DNAJC6: variants seen among roughly 807,000 people sequenced by gnomAD.
DNAJC6 encodes auxilin.
A neutral mutation model predicts 110.0 loss-of-function variants in DNAJC6; 34 were observed. That is an observed-to-expected ratio of 0.31 (90% confidence interval 0.24 to 0.41). The LOEUF is 0.41. Among genes scored for constraint, DNAJC6 ranks in the 10% least tolerant of loss-of-function variants. DNAJC6 has a pLI of 1.00. For synonymous variants in DNAJC6, 406 were observed against 437.2 expected (o/e 0.93, Z 0.89); for missense variants, 1,031 against 1,207.8 (o/e 0.85, Z 2.17).
intron 1 of DNAJC6, among the ~76,000 whole-genome samples, chr1:65,353,104 A>T (rs1384015783): frequency 6.6e-6 from 1 of 152,178 alleles, no homozygotes; most frequent in Non-Finnish European, 1.5e-5. Flanking sequence ...TCTCTGTTCC[A>T]GGGTGGTAAT....
At position 65,317,189 on chromosome 1, in the gene DNAJC6, T is replaced by C. The variant is rs544365039; in HGVS notation, c.193+7251T>C. On this transcript the variant is annotated intron_variant, in intron 1 of 18. Transcript: ENST00000371069. ...AACTCCTTTTGGAAAAAAGCTATGT[T>C]TGAGATGGATGAAGAATGCTGGAGT... Among the ~76,000 whole-genome samples the C allele has an allele frequency of 1.3e-4, 20 of 152,310 alleles. 1 individual carries two copies. In the East Asian group the frequency reaches 3.9e-3, roughly 29 times the overall value.
At chr1:65,272,822 G>GA (rs1428581174) in intron 1 of DNAJC6, among the ~76,000 whole-genome samples, 1 of 152,180 alleles carries the variant, frequency 6.6e-6, no homozygotes, top group Non-Finnish European at 1.5e-5. Context: ...TTACAGGCGT[G>GA]AGCCACTCTG....
intron 13 of DNAJC6, among the ~76,000 whole-genome samples, chr1:65,397,291 C>G (rs980200977): frequency 6.6e-6 from 1 of 152,058 alleles, no homozygotes; most frequent in Non-Finnish European, 1.5e-5. Context: ...AGGGTACTTC[C>G]CCCGGGTTTC....
chr1:65,398,996 T>C, intron 14 of DNAJC6, 115 bp downstream of exon 14: 1 of 1,056,478 alleles, frequency 9.5e-7, no homozygotes, highest in South Asian at 1.4e-5. Flanking sequence ...TTTGTGTCAC[T>C]TTTTCCTAAA....
intron 1 of DNAJC6, chr1:65,345,721 C>G (rs998185644): frequency 2.1e-6 from 2 of 972,718 alleles, no homozygotes; most frequent in Non-Finnish European, 2.4e-6. Flanking sequence ...TACTACCCAC[C>G]AGGTAAGGGT....
At chr1:65,281,343 A>G (rs1268911029) in intron 1 of DNAJC6, among the ~76,000 whole-genome samples, 1 of 152,156 alleles carries the variant, frequency 6.6e-6, no homozygotes, top group Non-Finnish European at 1.5e-5. Flanking sequence ...GGTTTTTAGT[A>G]TATTCATAAG....
intron 1 of DNAJC6, among the ~76,000 whole-genome samples, chr1:65,273,573 A>G (rs7519028): frequency 0.014 from 2,157 of 152,162 alleles, 47 homozygotes; most frequent in African/African-American, 0.05. Flanking sequence ...TCCAGCCTGG[A>G]TGACACAGCA....
At chr1:65,316,034 T>A (rs1437935164) in intron 1 of DNAJC6, among the ~76,000 whole-genome samples, 1 of 152,182 alleles carries the variant, frequency 6.6e-6, no homozygotes, top group East Asian at 1.9e-4. Context: ...ATAAAGCTGA[T>A]TAAGACTTGA....
chr1:65,297,564 C>T (rs576744076), intron 1 of DNAJC6, among the ~76,000 whole-genome samples: 21 of 152,316 alleles, frequency 1.4e-4, no homozygotes, highest in African/African-American at 4.8e-4. Context: ...ACAGATCTGA[C>T]TTAATGACTC....
At chr1:65,301,414 G>T (rs1644977318) in intron 1 of DNAJC6, among the ~76,000 whole-genome samples, 1 of 152,086 alleles carries the variant, frequency 6.6e-6, no homozygotes, top group African/African-American at 2.4e-5. Context: ...ATAAGTGTCA[G>T]ATACCACTGA....
At chr1:65,349,175 T>C (rs1645468125) in intron 1 of DNAJC6, among the ~76,000 whole-genome samples, 1 of 148,636 alleles carries the variant, frequency 6.7e-6, no homozygotes, top group Non-Finnish European at 1.5e-5. Context: ...TCTCCAGAGA[T>C]TGCAATATTT....
chr1:65,329,750 G>C (rs1316422184), intron 1 of DNAJC6, among the ~76,000 whole-genome samples: 1 of 152,078 alleles, frequency 6.6e-6, no homozygotes, highest in Admixed American at 6.5e-5. Context: ...CATCCTCTAG[G>C]GACCTGTATC....
intron 4 of DNAJC6, among the ~76,000 whole-genome samples, chr1:65,367,045 C>G (rs1368618544): frequency 6.6e-6 from 1 of 152,112 alleles, no homozygotes; most frequent in African/African-American, 2.4e-5. Context: ...GTAACACACA[C>G]AAGAAAATTG....
In DNAJC6 at chr1:65,414,511, T is replaced by G. The variant is rs1418493759; in HGVS notation, c.*1486T>G. ...AGACAATCATTTTTTGTTTTTGTTT[T>G]AACTTTCTTGTGGCAAGCTATACCG... is the stretch of plus-strand genomic sequence containing the variant. On this transcript the variant is annotated 3_prime_UTR_variant, in exon 19 of 19. Transcript: ENST00000371069. 1 of 152,682 alleles carries G rather than the reference T, an allele frequency of 6.5e-6. No individual in the cohort carries two copies. Among genetic ancestry groups the G allele is most frequent in the East Asian group, 1.9e-4 (1 of 5,200 alleles). 9.5% of individuals were successfully genotyped at this position (152,682 alleles called of 1,614,324 possible).
intron 1 of DNAJC6, among the ~76,000 whole-genome samples, chr1:65,285,197 G>T (rs1653977932): frequency 1.3e-5 from 2 of 152,028 alleles, no homozygotes; most frequent in Non-Finnish European, 2.9e-5. Flanking sequence ...TTCTTTCCTT[G>T]CACAGAGGTA....
At chr1:65,309,364 T>A (rs999354058), upstream of DNAJC6, among the ~76,000 whole-genome samples, 4 of 151,346 alleles carry the variant, frequency 2.6e-5, no homozygotes, top group Non-Finnish European at 5.9e-5. Context: ...GCTGCCCTGC[T>A]GCGCGGCGGG....
chr1:65,406,686 T>A (rs1325404864), intron 16 of DNAJC6, among the ~76,000 whole-genome samples: 1 of 152,208 alleles, frequency 6.6e-6, no homozygotes, highest in African/African-American at 2.4e-5. Context: ...GCGGGGTACC[T>A]ATGATGGTGC....
chr1:65,377,912 C>T (rs1288508556), intron 4 of DNAJC6, among the ~76,000 whole-genome samples: 1 of 152,162 alleles, frequency 6.6e-6, no homozygotes, highest in Non-Finnish European at 1.5e-5. Flanking sequence ...TGCAGAATTC[C>T]GTATCTCAGG....
intron 1 of DNAJC6, among the ~76,000 whole-genome samples, chr1:65,293,280 A>G (rs1329481482): frequency 1.3e-5 from 2 of 152,204 alleles, no homozygotes; most frequent in East Asian, 1.9e-4. Flanking sequence ...GAGTCCTCAC[A>G]TGGGGGTAGA....
Sources: gnomAD v4.1 joint callset for allele counts (sites outside exome capture counted in the v4.1 genomes callset) on GRCh38, gnomAD v4.1.1 for gene constraint, MANE v1.5 for transcripts, NCBI Gene and HGNC (gene_info 2026-07-23, HGNC 2026-07-21) for gene names.